Variants in KCNU1 observed in about 807,000 individuals in gnomAD.
The protein encoded by KCNU1 is potassium channel subfamily U member 1.
Under a neutral mutation model 126.8 loss-of-function variants are expected in KCNU1, and 93 were observed. That is an observed-to-expected ratio of 0.73 (90% CI 0.62 to 0.87). The LOEUF (loss-of-function observed/expected upper bound fraction) is 0.87, where lower values mean the gene tolerates loss of function less well. KCNU1 is among the 40% of genes least tolerant of loss of function. The pLI, the probability that KCNU1 is intolerant of heterozygous loss-of-function variation, is 0.00. For synonymous variants in KCNU1, 523 were observed against 494.2 expected (o/e 1.06, Z -0.77); for missense variants, 1,330 against 1,367.1 (o/e 0.97, Z 0.43).
At chr8:36,840,003 G>C (rs979494496) in intron 14 of KCNU1, among the ~76,000 whole-genome samples, 2 of 152,186 alleles carry the variant, frequency 1.3e-5, no homozygotes, top group African/African-American at 4.8e-5. Context: ...CTTATGAAGG[G>C]TTCTGATGCT....
chr8:36,799,395 C>T (rs1803220999), intron 2 of KCNU1, among the ~76,000 whole-genome samples: 1 of 151,634 alleles, frequency 6.6e-6, no homozygotes, highest in Admixed American at 6.6e-5. Flanking sequence ...GATCTAGACT[C>T]AGGTTAGTTT....
At chr8:36,836,967 G>C (rs769865879) in intron 14 of KCNU1, 22 bp downstream of exon 14, 2 of 1,612,492 alleles carry the variant, frequency 1.2e-6, no homozygotes, top group East Asian at 4.5e-5. Flanking sequence ...AATTACTGTT[G>C]ATTCTTGGCT....
intron 20 of KCNU1, among the ~76,000 whole-genome samples, chr8:36,908,928 T>TA (rs1807748046): frequency 6.6e-6 from 1 of 152,146 alleles, no homozygotes; most frequent in Non-Finnish European, 1.5e-5. Flanking sequence ...CTGGAATGTC[T>TA]TAGGCTTTCA....
At chr8:36,897,755 A>G (rs1411209997) in intron 19 of KCNU1, among the ~76,000 whole-genome samples, 1 of 152,090 alleles carries the variant, frequency 6.6e-6, no homozygotes, top group Non-Finnish European at 1.5e-5. Flanking sequence ...ACAGACCTAC[A>G]CTAATCACAT....
chr8:36,813,783 G>A (rs1803808817), intron 7 of KCNU1, among the ~76,000 whole-genome samples: 1 of 152,062 alleles, frequency 6.6e-6, no homozygotes, highest in South Asian at 2.1e-4. Context: ...CTGAAATGAA[G>A]TGCTCATTTA....
intron 18 of KCNU1, among the ~76,000 whole-genome samples, chr8:36,858,295 AT>A (rs1554508996): frequency 2.0e-5 from 3 of 150,146 alleles, no homozygotes; most frequent in Non-Finnish European, 3.0e-5. Flanking sequence ...TCTGAAGATT[AT>A]TTTTTTTTAA....
At chr8:36,860,152 A>G (rs1805677944) in intron 18 of KCNU1, among the ~76,000 whole-genome samples, 1 of 152,100 alleles carries the variant, frequency 6.6e-6, no homozygotes, top group African/African-American at 2.4e-5. Context: ...ATCTCAGCTC[A>G]CTGCAGTCTC....
chr8:36,933,478 G>T (rs1245910309), intron 26 of KCNU1, among the ~76,000 whole-genome samples: 3 of 152,090 alleles, frequency 2.0e-5, no homozygotes, highest in Non-Finnish European at 4.4e-5. Flanking sequence ...AATCATGGGG[G>T]TGATATGTTC....
chr8:36,820,891 C>T (rs1041556276), intron 10 of KCNU1, among the ~76,000 whole-genome samples: 24 of 152,170 alleles, frequency 1.6e-4, no homozygotes, highest in African/African-American at 5.8e-4. Flanking sequence ...AGCTTACAGA[C>T]ATTCTTCTCG....
rs567548666 is a variant in KCNU1, at chr8:36,831,916, C to T, written c.1107-1638C>T. On this transcript the variant is annotated intron_variant, in intron 10 of 26. Transcript: ENST00000399881. ...AGGTCTAACGTTTAAGTCTTTAATC[C>T]GTCTTGAATTGATTTTTTGTATAAT... Among the ~76,000 whole-genome samples, 16 of 152,184 alleles carry T rather than the reference C, an allele frequency of 1.1e-4. No homozygotes were observed. In the South Asian group the frequency reaches 1.9e-3, roughly 18 times the overall value.
rs67738751 is a variant in KCNU1, at chr8:36,813,671, T to TA, written c.733-526dup. ...AGGAAAATATTTTTAAAGGTTTTTTTAAAAAAAAAATCACTGAAAAGACGA... is the reference window on the plus strand; with the variant it reads ...AGGAAAATATTTTTAAAGGTTTTTTTAAAAAAAAAAATCACTGAAAAGACGA... On this transcript the variant is annotated intron_variant, in intron 7 of 26. Transcript: ENST00000399881. 5.3e-3 allele frequency among the ~76,000 whole-genome samples: 791 copies of TA among 150,082 alleles called. 14 individuals carry two copies. Among genetic ancestry groups the TA allele is most frequent in the African/African-American group, 0.017 (713 of 40,946 alleles).
In KCNU1 at chr8:36,917,120, A is replaced by C. The variant is rs184672778; in HGVS notation, c.2522-1703A>C. Among the ~76,000 whole-genome samples, 401 of 152,220 alleles carry C rather than the reference A, an allele frequency of 2.6e-3. 2 individuals carry two copies. The highest frequency in any genetic ancestry group is 9.4e-3 in the African/African-American group (390 of 41,518). On this transcript the variant is annotated intron_variant, in intron 22 of 26. Transcript: ENST00000399881. ...ATTCATTCCACTTTTCAGCCCTACC[A>C]ATTACCCCACTCAGGGAGCAAAGGA...
At chr8:36,892,846 G>T (rs1807021615) in intron 19 of KCNU1, among the ~76,000 whole-genome samples, 2 of 151,868 alleles carry the variant, frequency 1.3e-5, no homozygotes, top group South Asian at 2.1e-4. Flanking sequence ...AATACCTCAG[G>T]TTTTTTTTCC....
In KCNU1 at chr8:36,796,299, A is replaced by G. The variant is rs143423432; in HGVS notation, c.316-7728A>G. Among the ~76,000 whole-genome samples, 99 of 152,224 alleles carry G rather than the reference A, an allele frequency of 6.5e-4. No homozygotes were observed. In the East Asian group the frequency reaches 0.018, roughly 27 times the overall value. On this transcript the variant is annotated intron_variant, in intron 2 of 26. Coordinates refer to ENST00000399881, the MANE Select transcript of KCNU1 (RefSeq NM_001031836.3). ...TTTCTACTTCACGGAATTTATGGAGAAATTCTTTGTTGCCTAGTACATGAT... is the reference window on the plus strand; with the variant it reads ...TTTCTACTTCACGGAATTTATGGAGGAATTCTTTGTTGCCTAGTACATGAT...
At chr8:36,884,084 A>G (rs1462866678) in intron 19 of KCNU1, among the ~76,000 whole-genome samples, 1 of 152,152 alleles carries the variant, frequency 6.6e-6, no homozygotes, top group Non-Finnish European at 1.5e-5. Context: ...CCACCTCTTT[A>G]TTATTAATTC....
chr8:36,922,976 C>G (rs768914409), intron 24 of KCNU1: 3 of 475,192 alleles, frequency 6.3e-6, no homozygotes, highest in East Asian at 6.4e-5. Flanking sequence ...TGAAATCCTC[C>G]AAACAGCTCA....
At chr8:36,813,336 C>T (rs1006642256) in intron 7 of KCNU1, among the ~76,000 whole-genome samples, 1 of 152,040 alleles carries the variant, frequency 6.6e-6, no homozygotes, top group Non-Finnish European at 1.5e-5. Context: ...AAAAAGCCCA[C>T]TTCCCCCAGT....
chr8:36,899,079 A>G (rs1032820722), intron 19 of KCNU1, among the ~76,000 whole-genome samples: 10 of 152,154 alleles, frequency 6.6e-5, no homozygotes, highest in African/African-American at 2.2e-4. Context: ...GTAACAATTT[A>G]TACTCAGAGA....
chr8:36,836,276 A>G lies in KCNU1; in HGVS notation c.1296-20A>G. ...TTGGCTATGACACATGACTAATGAG[A>G]GTGTTTGGGGTTTATATAGGGTGCT... On this transcript the variant is annotated intron_variant, in intron 12 of 26. Coordinates refer to ENST00000399881, the MANE Select transcript of KCNU1 (RefSeq NM_001031836.3). 6.6e-7 allele frequency: 1 copy of G among 1,523,698 alleles called. No individual in the cohort carries two copies. The highest frequency in any genetic ancestry group is 2.3e-5 in the East Asian group (1 of 44,326). 94.4% of individuals were successfully genotyped at this position (1,523,698 alleles called of 1,614,324 possible). A position where few individuals can be genotyped will look rare whatever the true frequency, so the allele number is the denominator to read the frequency against.
Sources: gnomAD v4.1 joint callset for allele counts (sites outside exome capture counted in the v4.1 genomes callset) on GRCh38, gnomAD v4.1.1 for gene constraint, MANE v1.5 for transcripts, NCBI Gene and HGNC (gene_info 2026-07-23, HGNC 2026-07-21) for gene names.